Variants in PKD1L3 observed in about 807,000 individuals in gnomAD.
The protein encoded by PKD1L3 is polycystin-1-like protein 3.
In PKD1L3, 239 loss-of-function variants were observed where a neutral mutation model predicts 184.1. That is an observed-to-expected ratio of 1.30 (90% CI 1.17 to 1.45). The LOEUF (loss-of-function observed/expected upper bound fraction) is 1.45, where lower values mean the gene tolerates loss of function less well. PKD1L3 is among the 40% of genes most tolerant of loss of function. The pLI is 0.00. For missense variants in PKD1L3, 2,660 were observed against 2,067.2 expected (o/e 1.29, Z -5.56); for synonymous variants, 996 against 778.8 (o/e 1.28, Z -4.64).
intron 17 of PKD1L3, 46 bp downstream of exon 17, chr16:71,954,059 A>AG (rs2038952956): frequency 7.1e-7 from 1 of 1,405,678 alleles, no homozygotes; most frequent in Middle Eastern, 2.0e-4. Context: ...CAAAAAAAAA[A>AG]AAGGATTGCT....
At chr16:71,937,686 T>G (rs1290541816) in intron 24 of PKD1L3, among the ~76,000 whole-genome samples, 2 of 152,162 alleles carry the variant, frequency 1.3e-5, no homozygotes, top group Non-Finnish European at 2.9e-5. Context: ...TGTCGGTGGC[T>G]TAACAGTTAT....
At chr16:71,965,189 T>TA (rs2039455214) in intron 15 of PKD1L3, among the ~76,000 whole-genome samples, 1 of 152,114 alleles carries the variant, frequency 6.6e-6, no homozygotes, top group Admixed American at 6.6e-5. Flanking sequence ...AAGCATAATT[T>TA]AAAAAAATTC....
At position 71,998,357 on chromosome 16, in the gene PKD1L3, G is replaced by C; in HGVS notation, c.333C>G (p.Ser111Arg). Residue 111 changes from serine (S) to arginine (R), a missense_variant, in exon 2 of 30, where the codon AGC becomes AGG. Ser to Arg is a moderately radical substitution (Grantham distance 110). Transcript: ENST00000620267. ...TGAAGTTTCTGGACAGGTAGGTGCAGCTGAGGGGCTTTGGGGGCCCGTTGG... is the reference window on the plus strand; with the variant it reads ...TGAAGTTTCTGGACAGGTAGGTGCACCTGAGGGGCTTTGGGGGCCCGTTGG... ...VAANGPPKPL[S>R]CTYLSRNFIR... 1 of 1,551,822 alleles carries C rather than the reference G, an allele frequency of 6.4e-7. No homozygotes were observed. The highest frequency in any genetic ancestry group is 8.7e-7 in the Non-Finnish European group (1 of 1,147,000).
In PKD1L3 at chr16:71,930,169, G is replaced by T. The variant is rs372910718; in HGVS notation, c.4941C>A (p.Asp1647Glu). Residue 1647 changes from aspartate (D) to glutamate (E), a missense_variant, in exon 29 of 30, where the codon GAC becomes GAA. By Grantham distance (45) the Asp-to-Glu change is conservative. Transcript: ENST00000620267. ...ISHQEEVFAL[D>E]PVLGTFLILT... ...GGATCAGAAAGGTGCCCAGGACTGG[G>T]TCTAAAGCGAAAACCTGGGAAAACA... 200 of 1,543,294 alleles carry T rather than the reference G, an allele frequency of 1.3e-4. No individual in the cohort carries two copies. Among genetic ancestry groups the T allele is most frequent in the Non-Finnish European group, 1.6e-4 (188 of 1,144,202 alleles).
chr16:71,939,719 T>C (rs922251282), intron 24 of PKD1L3, among the ~76,000 whole-genome samples: 7 of 152,068 alleles, frequency 4.6e-5, no homozygotes, highest in Non-Finnish European at 1.0e-4. Context: ...AAAGATGTGA[T>C]GGAAAATGGA....
intron 21 of PKD1L3, among the ~76,000 whole-genome samples, chr16:71,948,385 G>C (rs1314072596): frequency 6.6e-6 from 1 of 151,948 alleles, no homozygotes; most frequent in Non-Finnish European, 1.5e-5. Flanking sequence ...AGCTGGCCTG[G>C]GATTTTTGTA....
chr16:71,937,557 C>T (rs1428691631), intron 24 of PKD1L3, 138 bp from the exon 25 acceptor site: 12 of 946,742 alleles, frequency 1.3e-5, no homozygotes, highest in East Asian at 1.1e-4. Flanking sequence ...TTAGTATTTC[C>T]TTTAGAGCTG....
chr16:71,987,012 C>T (rs2040397815), intron 4 of PKD1L3, among the ~76,000 whole-genome samples: 1 of 148,632 alleles, frequency 6.7e-6, no homozygotes, highest in Non-Finnish European at 1.5e-5. Flanking sequence ...GCAGCCTCCG[C>T]CTCCTGGGTT....
At chr16:71,978,124 T>C in intron 10 of PKD1L3, 131 bp downstream of exon 10, 2 of 1,131,802 alleles carry the variant, frequency 1.8e-6, no homozygotes, top group Non-Finnish European at 2.4e-6. Context: ...TAAAAGTTCC[T>C]AAGATGTTAA....
intron 22 of PKD1L3, among the ~76,000 whole-genome samples, chr16:71,945,266 CTA>C (rs60469321): frequency 0.045 from 2,856 of 63,760 alleles, 55 homozygotes; most frequent in Non-Finnish European, 0.067. Flanking sequence ...AATTTCTTAA[CTA>C]TATATATATA....
chr16:71,955,224 G>A lies in PKD1L3; in HGVS notation c.2613-923C>T, dbSNP rs80134246. On this transcript the variant is annotated intron_variant, in intron 16 of 29. Coordinates refer to ENST00000620267, the MANE Select transcript of PKD1L3 (RefSeq NM_181536.2). The stretch of plus-strand genomic sequence containing the variant: ...TGGAATGAAAACAGTAGCAAAACCA[G>A]TCACGGGTGGTGTTTGTGGTGGAAG... Among the ~76,000 whole-genome samples the A allele has an allele frequency of 8.3e-4, 126 of 152,194 alleles. 2 individuals carry two copies. The East Asian group carries it at 0.021, about 25-fold the overall frequency.
Position 71,980,042 on chromosome 16 carries a change from A to C in PKD1L3, c.1236T>G (p.Thr412=). 6.4e-7 allele frequency: 1 copy of C among 1,552,090 alleles called. No individual in the cohort carries two copies. The highest frequency in any genetic ancestry group is 8.7e-7 in the Non-Finnish European group (1 of 1,147,090). The change falls in exon 8 of 30, where the codon ACT becomes ACG. Residue 412 remains threonine, a synonymous_variant. Transcript: ENST00000620267. The part of the protein sequence containing the change: ...EQNQSPESSV[T]LTSANATLLL... ...GCAGAGTAGCATTGGCAGAGGTCAA[A>C]GTCACTGAAGACTCGGGAGACTGGT...
intron 10 of PKD1L3, 111 bp from the exon 11 acceptor site, chr16:71,977,578 T>TTC: frequency 5.8e-6 from 5 of 860,776 alleles, no homozygotes; most frequent in Non-Finnish European, 8.8e-6. Context: ...TTTTTTTTTT[T>TTC]TTGAGATGGG....
intron 24 of PKD1L3, among the ~76,000 whole-genome samples, chr16:71,938,577 G>C (rs193020646): frequency 2.0e-5 from 3 of 152,206 alleles, no homozygotes; most frequent in Admixed American, 6.5e-5. Flanking sequence ...AACTTATGGC[G>C]CTTCTTCTGG....
chr16:71,994,231 A>C (rs1379077155), intron 2 of PKD1L3, among the ~76,000 whole-genome samples: 1 of 152,198 alleles, frequency 6.6e-6, no homozygotes, highest in East Asian at 1.9e-4. Context: ...ACTGCCTGGC[A>C]GTCATACTGT....
In PKD1L3 at chr16:71,936,194, AT is replaced by A. The variant is rs549272589; in HGVS notation, c.4453-677del. Among the ~76,000 whole-genome samples the A allele has an allele frequency of 6.2e-4, 91 of 147,358 alleles. 1 individual carries two copies. Among genetic ancestry groups the A allele is most frequent in the Middle Eastern group, 3.3e-3 (1 of 302 alleles). Reference sequence around the variant, plus strand: ...TTTTCTTCTGAGTGTAATCATCTGTATTTTTTTTTCTTTTCTTTTTTTTTTT... The same window carrying A: ...TTTTCTTCTGAGTGTAATCATCTGTATTTTTTTTCTTTTCTTTTTTTTTTT... On this transcript the variant is annotated intron_variant, in intron 25 of 29. Coordinates refer to ENST00000620267, the MANE Select transcript of PKD1L3 (RefSeq NM_181536.2).
At chr16:71,965,699 A>G (rs1419688093) in intron 15 of PKD1L3, among the ~76,000 whole-genome samples, 1 of 151,884 alleles carries the variant, frequency 6.6e-6, no homozygotes, top group Non-Finnish European at 1.5e-5. Flanking sequence ...GGTGACAGGC[A>G]TTTACCACCA....
In PKD1L3 at chr16:71,942,764, T is replaced by C. The variant is rs1401072906; in HGVS notation, c.4120A>G (p.Thr1374Ala). ...TGACCTTCGTCCACTTTCTCATAGG[T>C]CTTGGTACGGGGTATTTGGAAAATT... Reference protein sequence around the residue: ...QLIFQIPRTKTYEKVDEGQLA... With the variant: ...QLIFQIPRTKAYEKVDEGQLA... Residue 1374 changes from threonine (T) to alanine (A), a missense_variant, in exon 24 of 30, where the codon ACC becomes GCC. Coordinates refer to ENST00000620267, the MANE Select transcript of PKD1L3 (RefSeq NM_181536.2). 1 of 1,551,650 alleles carries C rather than the reference T, an allele frequency of 6.4e-7. No homozygotes were observed. The highest frequency in any genetic ancestry group is 8.7e-7 in the Non-Finnish European group (1 of 1,146,992).
chr16:71,977,761 G>T (rs758248854), intron 10 of PKD1L3, among the ~76,000 whole-genome samples: 1 of 151,452 alleles, frequency 6.6e-6, no homozygotes, highest in Non-Finnish European at 1.5e-5. Context: ...CATAGTCCCA[G>T]ACCTATAACA....
Sources: gnomAD v4.1 joint callset for allele counts (sites outside exome capture counted in the v4.1 genomes callset) on GRCh38, gnomAD v4.1.1 for gene constraint, MANE v1.5 for transcripts, NCBI Gene and HGNC (gene_info 2026-07-23, HGNC 2026-07-21) for gene names.